PHACTR3: variants seen among roughly 807,000 people sequenced by gnomAD.
The protein encoded by PHACTR3 is protein phosphatase 1, regulatory subunit 123.
A neutral mutation model predicts 66.8 loss-of-function variants in PHACTR3; 16 were observed. The ratio of observed to expected loss-of-function variants is 0.24; its 90% CI spans 0.16 to 0.36. The LOEUF (loss-of-function observed/expected upper bound fraction) is 0.36, where lower values mean the gene tolerates loss of function less well. PHACTR3 is among the 10% of genes least tolerant of loss of function. The probability of loss-of-function intolerance (pLI) is 1.00; values close to 1 mark genes in which losing one functional copy is unlikely to be tolerated. For synonymous variants in PHACTR3, 323 were observed against 292.1 expected (o/e 1.11, Z -1.08); for missense variants, 647 against 719.9 (o/e 0.90, Z 1.16).
chr20:59,755,017 A>G (rs997254093), intron 3 of PHACTR3, among the ~76,000 whole-genome samples, 165 bp from the exon 4 acceptor site: 9 of 152,142 alleles, frequency 5.9e-5, no homozygotes, highest in Non-Finnish European at 1.0e-4. Flanking sequence ...GCTCCCCTGG[A>G]AAGTCCAGAC....
At chr20:59,665,039 T>C (rs2035938997) in intron 1 of PHACTR3, among the ~76,000 whole-genome samples, 3 of 152,232 alleles carry the variant, frequency 2.0e-5, no homozygotes, top group African/African-American at 4.8e-5. Context: ...TTTTATTTTA[T>C]AATCAAATCA....
chr20:59,582,740 T>G (rs1400449452), intron 1 of PHACTR3, among the ~76,000 whole-genome samples: 1 of 152,178 alleles, frequency 6.6e-6, no homozygotes, highest in Non-Finnish European at 1.5e-5. Flanking sequence ...ATTTACTTTT[T>G]GCCCTCTTTT....
Position 59,830,752 on chromosome 20 carries a change from T to C in PHACTR3, c.1329-5753T>C, listed in dbSNP as rs6027143. Among the ~76,000 whole-genome samples, 1,099 of 152,250 alleles carry C rather than the reference T, an allele frequency of 7.2e-3. 12 individuals are homozygous for C. The highest frequency in any genetic ancestry group is 0.024 in the African/African-American group (999 of 41,532). ...TCTCCCAGCATCCCTGTGGGTTTTGTTGGCAGGTGTTCACCTGGGGAATCA... is the reference window on the plus strand; with the variant it reads ...TCTCCCAGCATCCCTGTGGGTTTTGCTGGCAGGTGTTCACCTGGGGAATCA... On this transcript the variant is annotated intron_variant, in intron 8 of 12. Coordinates refer to ENST00000371015, the MANE Select transcript of PHACTR3 (RefSeq NM_080672.5). The surrounding 1 kb of genome is among the most constrained non-coding windows in gnomAD (Gnocchi z 5.8).
At chr20:59,651,723 G>T (rs1034664757) in intron 1 of PHACTR3, among the ~76,000 whole-genome samples, 1 of 152,184 alleles carries the variant, frequency 6.6e-6, no homozygotes, top group African/African-American at 2.4e-5. Context: ...GACAATAAAA[G>T]AAATGAGCGT....
chr20:59,673,501 C>T (rs530484852), intron 1 of PHACTR3, among the ~76,000 whole-genome samples: 1 of 152,062 alleles, frequency 6.6e-6, no homozygotes, highest in Non-Finnish European at 1.5e-5. Flanking sequence ...TCTCTTAGAC[C>T]TGCTCACAGC....
intron 1 of PHACTR3, among the ~76,000 whole-genome samples, chr20:59,685,675 T>A (rs993250156): frequency 6.6e-6 from 1 of 152,188 alleles, no homozygotes; most frequent in Non-Finnish European, 1.5e-5. Context: ...GCCTCTACCG[T>A]GCTGTCTCAG....
At chr20:59,636,380 G>T (rs1429484367) in intron 1 of PHACTR3, among the ~76,000 whole-genome samples, 1 of 152,144 alleles carries the variant, frequency 6.6e-6, no homozygotes, top group Non-Finnish European at 1.5e-5. Flanking sequence ...TGAGGAGCTG[G>T]GTGCTATTTA....
chr20:59,623,245 G>A (rs543530649), intron 1 of PHACTR3, among the ~76,000 whole-genome samples: 14 of 152,028 alleles, frequency 9.2e-5, no homozygotes, highest in African/African-American at 3.1e-4. Flanking sequence ...TGTCGGCTCC[G>A]CATGGATCAG....
chr20:59,648,277 C>T (rs945634312), intron 1 of PHACTR3, among the ~76,000 whole-genome samples: 4 of 152,198 alleles, frequency 2.6e-5, no homozygotes, highest in Non-Finnish European at 5.9e-5. Flanking sequence ...TTCCCCCAGG[C>T]TCCAGCCATT....
intron 1 of PHACTR3, among the ~76,000 whole-genome samples, chr20:59,620,160 A>G (rs2034180707): frequency 1.3e-5 from 2 of 152,170 alleles, no homozygotes; most frequent in South Asian, 4.1e-4. Context: ...GTGTATTTCT[A>G]ATTTCCTTTA....
At chr20:59,755,425 T>C (rs2039752020) in intron 4 of PHACTR3, 61 bp downstream of exon 4, 1 of 1,554,718 alleles carries the variant, frequency 6.4e-7, no homozygotes, top group African/African-American at 1.4e-5. Context: ...GTCCCCACTG[T>C]TGTCCTTGGC....
intron 1 of PHACTR3, among the ~76,000 whole-genome samples, chr20:59,609,413 A>G (rs1032757887): frequency 1.3e-5 from 2 of 151,880 alleles, no homozygotes; most frequent in African/African-American, 2.4e-5. Flanking sequence ...CCCTCTCCCA[A>G]GGTCACAGGT....
chr20:59,673,075 C>T (rs373324226), intron 1 of PHACTR3, among the ~76,000 whole-genome samples: 3 of 152,064 alleles, frequency 2.0e-5, no homozygotes, highest in African/African-American at 4.8e-5. Context: ...TCTCCCTCAG[C>T]GTCTCTCTAG....
chr20:59,728,810 G>A (rs533265095), intron 1 of PHACTR3, among the ~76,000 whole-genome samples: 7 of 146,980 alleles, frequency 4.8e-5, no homozygotes, highest in Admixed American at 1.3e-4. Flanking sequence ...GGGAGGGACC[G>A]ACAACACCAA....
intron 1 of PHACTR3, among the ~76,000 whole-genome samples, chr20:59,593,387 T>C (rs191288887): frequency 1.2e-4 from 19 of 152,350 alleles, no homozygotes; most frequent in African/African-American, 4.6e-4. Flanking sequence ...GAGTTCTCTG[T>C]ATATTTTGGA....
At chr20:59,634,806 G>A (rs1441806770) in intron 1 of PHACTR3, among the ~76,000 whole-genome samples, 7 of 152,324 alleles carry the variant, frequency 4.6e-5, no homozygotes, top group Non-Finnish European at 7.3e-5. Context: ...GCCGCTGGCC[G>A]CAGATGGTTG....
rs569309314 is a variant in PHACTR3, at chr20:59,678,879, C to T, written c.119-64228C>T. On this transcript the variant is annotated intron_variant, in intron 1 of 12. Transcript: ENST00000371015. The stretch of plus-strand genomic sequence containing the variant: ...GCAGTGGTTCTCACATCTTGGGAAC[C>T]TGTATCAGAAGCACCTGGAGGGGCT... Among the ~76,000 whole-genome samples, 317 of 146,716 alleles carry T rather than the reference C, an allele frequency of 2.2e-3. 4 individuals carry two copies. The highest frequency in any genetic ancestry group is 7.6e-3 in the African/African-American group (300 of 39,676).
intron 2 of PHACTR3, among the ~76,000 whole-genome samples, chr20:59,746,607 T>C (rs1443238517): frequency 6.6e-6 from 1 of 152,206 alleles, no homozygotes; most frequent in East Asian, 1.9e-4. Context: ...GAAATGCTTT[T>C]GAGTAAGTGA....
At chr20:59,755,058 G>T in intron 3 of PHACTR3, 124 bp from the exon 4 acceptor site, 1 of 930,432 alleles carries the variant, frequency 1.1e-6, no homozygotes, top group Non-Finnish European at 1.6e-6. Context: ...TGTGTGGTGA[G>T]GGGGAGAGGG....
Sources: gnomAD v4.1 joint callset for allele counts (sites outside exome capture counted in the v4.1 genomes callset) on GRCh38, gnomAD v4.1.1 for gene constraint, Gnocchi (gnomAD v3.1) non-coding constraint, MANE v1.5 for transcripts, NCBI Gene and HGNC (gene_info 2026-07-23, HGNC 2026-07-21) for gene names.